Variants in DLGAP4 observed in about 807,000 individuals in gnomAD.
DLGAP4 encodes DLG associated protein 4.
Under a neutral mutation model 86.9 loss-of-function variants are expected in DLGAP4, and 18 were observed. The ratio of observed to expected loss-of-function variants is 0.21; its 90% CI spans 0.14 to 0.31. The LOEUF (loss-of-function observed/expected upper bound fraction) is 0.31, where lower values mean the gene tolerates loss of function less well. Among genes scored for constraint, DLGAP4 ranks in the 10% least tolerant of loss-of-function variants. DLGAP4 has a pLI of 1.00. For synonymous variants in DLGAP4, 548 were observed against 574.3 expected, an observed-to-expected ratio of 0.95 and a Z score of 0.65; for missense variants, 1,085 against 1,362.6, an observed-to-expected ratio of 0.80 and a Z score of 3.21.
chr20:36,428,885 C>A (rs936756334), intron 2 of DLGAP4, among the ~76,000 whole-genome samples: 1 of 152,082 alleles, frequency 6.6e-6, no homozygotes, highest in Non-Finnish European at 1.5e-5. Context: ...GTCTCAAACT[C>A]CTGGCCTCAA....
chr20:36,509,341 C>T (rs906717586), intron 10 of DLGAP4, among the ~76,000 whole-genome samples: 2 of 152,034 alleles, frequency 1.3e-5, no homozygotes, highest in Non-Finnish European at 2.9e-5. Flanking sequence ...GAGGCCGAGG[C>T]GGGAGGATCA....
At position 36,385,705 on chromosome 20, in the gene DLGAP4, C is replaced by T. The variant is rs572292517; in HGVS notation, c.-73+18430C>T. On this transcript the variant is annotated intron_variant, in intron 2 of 12. Transcript: ENST00000339266. ...CTCCCTAATGGCTCCAAGCTGCATA[C>T]GCCTCATGGGGCTGCTGTCATGCCT... is the stretch of plus-strand genomic sequence containing the variant. Among the ~76,000 whole-genome samples the T allele has an allele frequency of 3.2e-4, 48 of 152,340 alleles. 1 individual carries two copies. Among genetic ancestry groups the T allele is most frequent in the African/African-American group, 1.0e-3 (42 of 41,590 alleles).
At chr20:36,414,015 C>T (rs1234381428) in intron 2 of DLGAP4, among the ~76,000 whole-genome samples, 2 of 152,162 alleles carry the variant, frequency 1.3e-5, no homozygotes, top group African/African-American at 4.8e-5. Flanking sequence ...TTCTCTTCCC[C>T]CTTTAAGGAT....
intron 10 of DLGAP4, among the ~76,000 whole-genome samples, chr20:36,515,343 A>G (rs2147831656): frequency 6.6e-6 from 1 of 152,342 alleles, no homozygotes; most frequent in Admixed American, 6.5e-5. Flanking sequence ...CTATTACAGT[A>G]GCAGACTTCC....
At chr20:36,412,693 G>C (rs982361436) in intron 2 of DLGAP4, among the ~76,000 whole-genome samples, 3 of 152,214 alleles carry the variant, frequency 2.0e-5, no homozygotes, top group Non-Finnish European at 4.4e-5. Flanking sequence ...GGAAGCATCT[G>C]ATCAGTAAGC....
At chr20:36,489,196 G>A (rs1377976130) in intron 7 of DLGAP4, among the ~76,000 whole-genome samples, 1 of 152,196 alleles carries the variant, frequency 6.6e-6, no homozygotes. Context: ...TGTGTAGCGG[G>A]CACATGTCTG....
chr20:36,517,447 A>G (rs555283361), intron 10 of DLGAP4, among the ~76,000 whole-genome samples: 60 of 152,002 alleles, frequency 3.9e-4, no homozygotes, highest in Non-Finnish European at 7.9e-4. Context: ...TTGTATTTTT[A>G]GTAGAGATGA....
chr20:36,397,752 A>G (rs1367726187), intron 2 of DLGAP4, among the ~76,000 whole-genome samples: 2 of 152,170 alleles, frequency 1.3e-5, no homozygotes, highest in African/African-American at 4.8e-5. Context: ...TTTCAAACGT[A>G]TGGGTAATTT....
chr20:36,496,405 G>GT (rs1275697746), intron 7 of DLGAP4, among the ~76,000 whole-genome samples: 1 of 152,224 alleles, frequency 6.6e-6, no homozygotes, highest in African/African-American at 2.4e-5. Flanking sequence ...ACTTCACCTA[G>GT]TACATGCCCC....
At chr20:36,311,533 A>G (rs1303136712) in intron 1 of DLGAP4, among the ~76,000 whole-genome samples, 4 of 152,154 alleles carry the variant, frequency 2.6e-5, no homozygotes, top group Non-Finnish European at 5.9e-5. Context: ...GACGATGATA[A>G]TAATAATAAT....
rs982558760 is a variant in DLGAP4, at chr20:36,431,599, C to T, written c.-72-47C>T. 32 of 1,220,522 alleles carry T rather than the reference C, an allele frequency of 2.6e-5. 1 individual carries two copies. In the Admixed American group the frequency reaches 4.5e-4, roughly 17 times the overall value. The allele number at this position is 1,220,522 out of a possible 1,614,324, so 75.6% of individuals were successfully genotyped here. A position where few individuals can be genotyped will look rare whatever the true frequency, so the allele number is the denominator to read the frequency against. ...ATCTGACCTTCCCGGCACCCCTCCC[C>T]GACAATCCAGCTGACCAGCTGACCG... On this transcript the variant is annotated intron_variant, in intron 2 of 12. Coordinates refer to ENST00000339266, the MANE Select transcript of DLGAP4 (RefSeq NM_001365621.2). This position sits in a 1 kb window ranked among gnomAD's most constrained non-coding sequence, Gnocchi z 5.1.
At position 36,347,307 on chromosome 20, in the gene DLGAP4, T is replaced by C. The variant is rs953382266; in HGVS notation, c.-303-19738T>C. Among the ~76,000 whole-genome samples the C allele has an allele frequency of 3.9e-5, 6 of 152,168 alleles. No individual in the cohort carries two copies. The East Asian group carries it at 1.2e-3, about 30-fold the overall frequency. ...TAGGATCAGATTAGAAGCAAGGCTA[T>C]TGGGGCTTAGAGGGAGGAAAGATGG... On this transcript the variant is annotated intron_variant, in intron 1 of 12. Transcript: ENST00000339266.
intron 2 of DLGAP4, among the ~76,000 whole-genome samples, chr20:36,394,544 G>A (rs1215826508): frequency 3.9e-5 from 6 of 152,210 alleles, no homozygotes; most frequent in Non-Finnish European, 7.3e-5. Context: ...GTGGGCTGTG[G>A]TGCGTGTGTG....
At chr20:36,487,846 C>G (rs575621647) in intron 7 of DLGAP4, among the ~76,000 whole-genome samples, 1 of 152,302 alleles carries the variant, frequency 6.6e-6, no homozygotes, top group African/African-American at 2.4e-5. Flanking sequence ...CTCCTTGGCT[C>G]CTACCCGGAG....
chr20:36,428,509 C>T (rs1246516189), intron 2 of DLGAP4, among the ~76,000 whole-genome samples: 4 of 152,192 alleles, frequency 2.6e-5, no homozygotes, highest in Non-Finnish European at 4.4e-5. Flanking sequence ...GGAAGCTGGG[C>T]CATGCTGGGC....
At chr20:36,323,092 C>T (rs903765278) in intron 1 of DLGAP4, among the ~76,000 whole-genome samples, 1 of 144,504 alleles carries the variant, frequency 6.9e-6, no homozygotes, top group Non-Finnish European at 1.5e-5. Context: ...GTGGGAGGAT[C>T]GCTTGAGCCT....
intron 7 of DLGAP4, among the ~76,000 whole-genome samples, chr20:36,494,984 G>GTTTTTTTTTTTTTTTTTTTTTTTTTTTT (rs752411826): frequency 4.0e-5 from 3 of 75,390 alleles, no homozygotes; most frequent in Non-Finnish European, 6.9e-5. Flanking sequence ...TTTTTGTTCG[G>GTTTTTTTTTTTTTTTTTTTTTTTTTTTT]TTTTTTTTTT....
At chr20:36,490,562 T>G (rs779534202) in intron 7 of DLGAP4, among the ~76,000 whole-genome samples, 2 of 152,206 alleles carry the variant, frequency 1.3e-5, no homozygotes, top group Non-Finnish European at 2.9e-5. Context: ...TGCCTTTCTC[T>G]GGGGTCAGCT....
At chr20:36,376,604 CTG>C (rs1316102022) in intron 2 of DLGAP4, among the ~76,000 whole-genome samples, 1 of 152,134 alleles carries the variant, frequency 6.6e-6, no homozygotes, top group African/African-American at 2.4e-5. Context: ...GATTTGGAGA[CTG>C]AGTGCTGCTC....
Sources: allele counts gnomAD v4.1 joint callset (sites outside exome capture counted in the v4.1 genomes callset), GRCh38; gene constraint gnomAD v4.1.1; non-coding constraint Gnocchi (gnomAD v3.1); transcripts MANE v1.5; gene names NCBI Gene and HGNC (gene_info 2026-07-23, HGNC 2026-07-21).